Variants in S100A13 observed in about 807,000 individuals in gnomAD.
The protein encoded by S100A13 is S100 calcium binding protein A13.
A neutral mutation model predicts 8.2 loss-of-function variants in S100A13; 6 were observed. The observed-to-expected ratio is 0.73, with a 90% CI of 0.40 to 1.44. The LOEUF is 1.44. Ranked by LOEUF, S100A13 falls within the 40% of genes most tolerant of loss-of-function variation. The pLI, the probability that S100A13 is intolerant of heterozygous loss-of-function variation, is 0.02. For synonymous variants in S100A13, 39 were observed against 45.9 expected (o/e 0.85, Z 0.61); for missense variants, 114 against 113.6 (o/e 1.00, Z -0.02).
intron 2 of S100A13, among the ~76,000 whole-genome samples, chr1:153,625,897 G>C (rs569363828): frequency 6.6e-6 from 1 of 152,236 alleles, no homozygotes; most frequent in South Asian, 2.1e-4. Flanking sequence ...GTCAGGCGCA[G>C]TGGCTTGCGC....
intron 2 of S100A13, among the ~76,000 whole-genome samples, chr1:153,620,494 A>G (rs1667174034): frequency 6.6e-6 from 1 of 151,914 alleles, no homozygotes; most frequent in South Asian, 2.1e-4. Flanking sequence ...CAGAAACAAA[A>G]CAAAGGCCAA....
At chr1:153,624,567 C>T (rs977693497) in intron 2 of S100A13, among the ~76,000 whole-genome samples, 2 of 148,538 alleles carry the variant, frequency 1.3e-5, no homozygotes, top group Non-Finnish European at 3.0e-5. Flanking sequence ...AAAAAAACCA[C>T]AATCACTGCT....
At chr1:153,619,078 G>T in intron 2 of S100A13, 40 bp from the exon 3 acceptor site, 2 of 1,586,286 alleles carry the variant, frequency 1.3e-6, no homozygotes, top group African/African-American at 1.4e-5. Context: ...TTAGAAACTG[G>T]GGTTCTTGAG....
upstream of S100A13, chr1:153,630,761 C>T (rs1667968444): frequency 6.8e-7 from 1 of 1,462,586 alleles, no homozygotes; most frequent in Non-Finnish European, 9.2e-7. Flanking sequence ...CCAGCTCAGC[C>T]TAGCCTCTTT....
chr1:153,634,349 T>C (rs966323412), upstream of S100A13: 2 of 152,696 alleles, frequency 1.3e-5, no homozygotes, highest in Non-Finnish European at 2.9e-5. Flanking sequence ...CTTCGGTGAG[T>C]TTCGGTAGTG....
intron 2 of S100A13, among the ~76,000 whole-genome samples, chr1:153,625,756 C>G (rs1667575617): frequency 6.6e-6 from 1 of 152,246 alleles, no homozygotes; most frequent in South Asian, 2.1e-4. Flanking sequence ...AGAGCATACA[C>G]AAGAACCCAA....
At chr1:153,631,869 T>TCCTCTCCACCCTCCCAGACCTG (rs1359418899), upstream of S100A13, 47 of 1,609,052 alleles carry the variant, frequency 2.9e-5, no homozygotes, top group Non-Finnish European at 3.9e-5. Flanking sequence ...GCAGCGCCCT[T>TCCTCTCCACCCTCCCAGACCTG]CCTCTCCACC....
At chr1:153,628,562 G>T, upstream of S100A13, 1 of 1,541,978 alleles carries the variant, frequency 6.5e-7, no homozygotes, top group Non-Finnish European at 8.8e-7. Flanking sequence ...GTCTTCAGAA[G>T]GGCTCCAAGA....
upstream of S100A13, chr1:153,631,504 T>C (rs751991925): frequency 1.6e-5 from 25 of 1,611,604 alleles, no homozygotes; most frequent in Non-Finnish European, 1.8e-5. Flanking sequence ...TATTATTCAT[T>C]CTGCCAGGTG....
At chr1:153,631,920 A>G, upstream of S100A13, 1 of 1,545,078 alleles carries the variant, frequency 6.5e-7, no homozygotes, top group Non-Finnish European at 8.7e-7. Context: ...ACCTCACCCC[A>G]CTTATCCCTC....
intron 2 of S100A13, among the ~76,000 whole-genome samples, chr1:153,619,575 G>C (rs994723911): frequency 1.3e-5 from 2 of 152,184 alleles, no homozygotes; most frequent in African/African-American, 2.4e-5. Context: ...GAATGGCAAG[G>C]GCATGGAGTA....
intron 2 of S100A13, among the ~76,000 whole-genome samples, chr1:153,625,655 T>C (rs1667570793): frequency 6.6e-6 from 1 of 152,232 alleles, no homozygotes; most frequent in Non-Finnish European, 1.5e-5. Context: ...TGTTTTCTCT[T>C]GGCCTCCTTC....
At chr1:153,625,198 G>A (rs1380542097) in intron 2 of S100A13, among the ~76,000 whole-genome samples, 2 of 152,204 alleles carry the variant, frequency 1.3e-5, no homozygotes, top group African/African-American at 2.4e-5. Flanking sequence ...TGATCGCACA[G>A]TGGCCTGGGC....
chr1:153,625,906 G>A (rs934163963), intron 2 of S100A13, among the ~76,000 whole-genome samples: 10 of 152,198 alleles, frequency 6.6e-5, no homozygotes, highest in African/African-American at 2.2e-4. Flanking sequence ...AGTGGCTTGC[G>A]CCTGTAACCA....
At chr1:153,628,246 A>G (rs1262211783), upstream of S100A13, 9 of 1,538,938 alleles carry the variant, frequency 5.8e-6, no homozygotes, top group Non-Finnish European at 7.9e-6. Context: ...GCCTGGAGAG[A>G]AAGGAACGGG....
intron 2 of S100A13, among the ~76,000 whole-genome samples, chr1:153,623,787 T>G (rs1667435028): frequency 6.6e-6 from 1 of 152,192 alleles, no homozygotes; most frequent in Non-Finnish European, 1.5e-5. Flanking sequence ...TTTTGGGGTC[T>G]GTGGTTATAG....
At chr1:153,629,562 ACTCCTTT>A (rs1170484622), upstream of S100A13, 2 of 151,156 alleles carry the variant, frequency 1.3e-5, no homozygotes, top group Non-Finnish European at 2.9e-5. Context: ...TCAACAGACC[ACTCCTTT>A]CTCCTTTCTT....
At chr1:153,626,563 G>A in intron 1 of S100A13, 30 bp from the exon 2 acceptor site, 1 of 1,338,102 alleles carries the variant, frequency 7.5e-7, no homozygotes, top group Non-Finnish European at 1.0e-6. Flanking sequence ...CAGAGAGGGA[G>A]AGTCAGGGAG....
chr1:153,622,297 G>A (rs1042411244), intron 2 of S100A13, among the ~76,000 whole-genome samples: 1 of 151,422 alleles, frequency 6.6e-6, no homozygotes, highest in Non-Finnish European at 1.5e-5. Flanking sequence ...CTTGAACCTG[G>A]GAGGCAGAGG....
Sources: gnomAD v4.1 joint callset for allele counts (sites outside exome capture counted in the v4.1 genomes callset) on GRCh38, gnomAD v4.1.1 for gene constraint, MANE v1.5 for transcripts, NCBI Gene and HGNC (gene_info 2026-07-23, HGNC 2026-07-21) for gene names.